The following RUNX2 variants were observed in gnomAD, a reference collection of about 807,000 sequenced individuals.
The protein encoded by RUNX2 is runt-related transcription factor 2.
Under a neutral mutation model 51.7 loss-of-function variants are expected in RUNX2, and 10 were observed. That is an observed-to-expected ratio of 0.19 (90% CI 0.12 to 0.33). RUNX2 has a LOEUF of 0.33. RUNX2 is among the 10% of genes least tolerant of loss of function. The pLI is 1.00. For synonymous variants in RUNX2, 276 were observed against 273.6 expected (o/e 1.01, Z -0.09); for missense variants, 562 against 691.3 (o/e 0.81, Z 2.10).
chr6:45,367,955 T>C (rs1795430132), intron 2 of RUNX2, among the ~76,000 whole-genome samples: 1 of 152,206 alleles, frequency 6.6e-6, no homozygotes, highest in East Asian at 1.9e-4. Flanking sequence ...ATTTAGATAA[T>C]TAACTTCTTT....
intron 7 of RUNX2, among the ~76,000 whole-genome samples, chr6:45,543,109 C>T (rs1298789180): frequency 6.6e-6 from 1 of 152,206 alleles, no homozygotes; most frequent in Non-Finnish European, 1.5e-5. Context: ...ATGTTGCACT[C>T]TCCTCCACAT....
intron 2 of RUNX2, among the ~76,000 whole-genome samples, chr6:45,385,830 G>A (rs992374035): frequency 4.6e-5 from 7 of 152,172 alleles, no homozygotes; most frequent in African/African-American, 1.7e-4. Context: ...AAGCTGGGAG[G>A]TGGAGGTTGT....
At chr6:45,526,615 G>A (rs1246658748) in intron 7 of RUNX2, among the ~76,000 whole-genome samples, 1 of 152,154 alleles carries the variant, frequency 6.6e-6, no homozygotes, top group African/African-American at 2.4e-5. Context: ...TTTAACACAA[G>A]TTATTGCCAA....
At chr6:45,487,416 T>C (rs113905060) in intron 5 of RUNX2, among the ~76,000 whole-genome samples, 1,779 of 152,330 alleles carry the variant, frequency 0.012, 38 homozygotes, top group African/African-American at 0.04. Flanking sequence ...TGATTTCTAT[T>C]GCCCTTTCAT....
intron 2 of RUNX2, among the ~76,000 whole-genome samples, chr6:45,372,945 G>A (rs1039591735): frequency 1.3e-5 from 2 of 152,062 alleles, no homozygotes; most frequent in African/African-American, 4.8e-5. Flanking sequence ...AGCCTCCCAA[G>A]TAGCAGGTGC....
At chr6:45,482,236 T>A (rs1440781756) in intron 5 of RUNX2, among the ~76,000 whole-genome samples, 2 of 152,250 alleles carry the variant, frequency 1.3e-5, no homozygotes, top group East Asian at 3.8e-4. Flanking sequence ...CTACCTCCTA[T>A]GAAGTTTCTT....
intron 2 of RUNX2, among the ~76,000 whole-genome samples, chr6:45,340,901 T>G (rs998704781): frequency 6.6e-6 from 1 of 152,178 alleles, no homozygotes; most frequent in Non-Finnish European, 1.5e-5. Flanking sequence ...GTAGCATTCC[T>G]TATACTATGG....
At chr6:45,378,522 G>A (rs1421235478) in intron 2 of RUNX2, among the ~76,000 whole-genome samples, 1 of 152,158 alleles carries the variant, frequency 6.6e-6, no homozygotes, top group Non-Finnish European at 1.5e-5. Flanking sequence ...CCGCTTCCGC[G>A]CGCCATCACT....
chr6:45,394,466 A>G (rs1465901533), intron 2 of RUNX2, among the ~76,000 whole-genome samples: 1 of 152,286 alleles, frequency 6.6e-6, no homozygotes, highest in East Asian at 1.9e-4. Flanking sequence ...CTCCTTTTTA[A>G]GTAGGGTCTG....
Position 45,527,759 on chromosome 6 carries a change from G to A in RUNX2, c.1021+15352G>A, listed in dbSNP as rs114056607. On this transcript the variant is annotated intron_variant, in intron 7 of 8. Coordinates refer to ENST00000647337, the MANE Select transcript of RUNX2 (RefSeq NM_001024630.4). ...TTTGACTGAAAATTTTTAGGTTTTTGTAATCACATTTTGTTAATCTTCTGA... is the reference window on the plus strand; with the variant it reads ...TTTGACTGAAAATTTTTAGGTTTTTATAATCACATTTTGTTAATCTTCTGA... Among the ~76,000 whole-genome samples the A allele has an allele frequency of 7.5e-3, 1,145 of 152,230 alleles. 11 individuals are homozygous for A. Among genetic ancestry groups the A allele is most frequent in the African/African-American group, 0.026 (1,074 of 41,554 alleles).
chr6:45,333,075 G>A (rs1157501568), intron 2 of RUNX2, among the ~76,000 whole-genome samples: 3 of 151,650 alleles, frequency 2.0e-5, no homozygotes, highest in African/African-American at 7.3e-5. Flanking sequence ...ACTGTCTAAA[G>A]CATGTGAAAA....
chr6:45,512,959 C>G (rs1391122972), intron 7 of RUNX2, among the ~76,000 whole-genome samples: 1 of 152,144 alleles, frequency 6.6e-6, no homozygotes, highest in African/African-American at 2.4e-5. Context: ...GTGGCTAACT[C>G]AAGAAGGAGG....
chr6:45,501,413 G>T (rs1800798912), intron 6 of RUNX2, among the ~76,000 whole-genome samples: 1 of 152,154 alleles, frequency 6.6e-6, no homozygotes, highest in African/African-American at 2.4e-5. Flanking sequence ...ATCCTGTAGG[G>T]TTATTTTGTA....
intron 7 of RUNX2, among the ~76,000 whole-genome samples, chr6:45,529,580 A>G (rs931978602): frequency 6.6e-6 from 1 of 152,122 alleles, no homozygotes; most frequent in African/African-American, 2.4e-5. Flanking sequence ...GGGAAGAACA[A>G]AGAGATTGGT....
At chr6:45,444,856 G>C (rs887365214) in intron 5 of RUNX2, among the ~76,000 whole-genome samples, 1 of 152,124 alleles carries the variant, frequency 6.6e-6, no homozygotes, top group East Asian at 1.9e-4. Flanking sequence ...CTGGTGAAGG[G>C]TGGAGAGAAT....
Position 45,481,541 on chromosome 6 carries a change from C to T in RUNX2, c.686-10400C>T, listed in dbSNP as rs74891150. On this transcript the variant is annotated intron_variant, in intron 5 of 8. Coordinates refer to ENST00000647337, the MANE Select transcript of RUNX2 (RefSeq NM_001024630.4). ...GACATAGAGAAAGAGTTTTTTTGTTCATTTCCCATAAAGTCAAGGGAGAGA... is the reference window on the plus strand; with the variant it reads ...GACATAGAGAAAGAGTTTTTTTGTTTATTTCCCATAAAGTCAAGGGAGAGA... 8.5e-3 allele frequency among the ~76,000 whole-genome samples: 1,295 copies of T among 152,120 alleles called. 17 individuals carry two copies. The highest frequency in any genetic ancestry group is 0.029 in the African/African-American group (1,206 of 41,540).
chr6:45,420,458 T>G (rs1798155971), intron 2 of RUNX2, among the ~76,000 whole-genome samples: 1 of 152,088 alleles, frequency 6.6e-6, no homozygotes, highest in Admixed American at 6.5e-5. Context: ...CACCCAGTAA[T>G]GGGTATGTGA....
At position 45,443,503 on chromosome 6, in the gene RUNX2, A is replaced by G. The variant is rs147838429; in HGVS notation, c.685+5452A>G. On this transcript the variant is annotated intron_variant, in intron 5 of 8. Coordinates refer to ENST00000647337, the MANE Select transcript of RUNX2 (RefSeq NM_001024630.4). ...TTGGGGGATGTGGTTCATGACACCAATGTCATCAACTTACATAAGTGCTTA... is the reference window on the plus strand; with the variant it reads ...TTGGGGGATGTGGTTCATGACACCAGTGTCATCAACTTACATAAGTGCTTA... Among the ~76,000 whole-genome samples the G allele has an allele frequency of 3.3e-5, 5 of 152,348 alleles. No individual in the cohort carries two copies. In the East Asian group the frequency reaches 5.8e-4, roughly 18 times the overall value.
intron 2 of RUNX2, among the ~76,000 whole-genome samples, chr6:45,358,314 T>C (rs4711814): frequency 0.11 from 17,225 of 152,234 alleles, 1,372 homozygotes; most frequent in East Asian, 0.26. Context: ...TACAATTCAG[T>C]TGCTCAGCTG....
Sources: allele counts gnomAD v4.1 joint callset (sites outside exome capture counted in the v4.1 genomes callset), GRCh38; gene constraint gnomAD v4.1.1; transcripts MANE v1.5; gene names NCBI Gene and HGNC (gene_info 2026-07-23, HGNC 2026-07-21).